The following ADAM22 variants were observed in gnomAD, a reference collection of about 807,000 sequenced individuals.
The protein encoded by ADAM22 is ADAM metallopeptidase domain 22.
ADAM22 carries 65 observed loss-of-function variants against 144.6 expected under a neutral mutation model. That is an observed-to-expected ratio of 0.45 (90% CI 0.37 to 0.55). The LOEUF is 0.55. ADAM22 is among the 20% of genes least tolerant of loss of function. The pLI, the probability that ADAM22 is intolerant of heterozygous loss-of-function variation, is 0.00. For missense variants in ADAM22, 974 were observed against 1,184.9 expected (o/e 0.82, Z 2.61); for synonymous variants, 391 against 412.6 (o/e 0.95, Z 0.63).
intron 2 of ADAM22, among the ~76,000 whole-genome samples, chr7:87,956,979 G>C (rs1846936102): frequency 6.6e-6 from 1 of 152,084 alleles, no homozygotes; most frequent in South Asian, 2.1e-4. Context: ...ATTTCATTCT[G>C]TTCTGTTCTA....
Position 88,199,006 on chromosome 7 carries a change from G to T in ADAM22, c.*2515G>T, listed in dbSNP as rs1202357302. 6.6e-6 allele frequency: 1 copy of T among 151,996 alleles called. No individual in the cohort carries two copies. Among genetic ancestry groups the T allele is most frequent in the Non-Finnish European group, 1.5e-5 (1 of 68,004 alleles). The allele number at this position is 151,996 out of a possible 1,614,324, so 9.4% of individuals were successfully genotyped here. ...TTAAACATTCTTAGAGCCATTTGTG[G>T]GATTCATTGACAAATTTATAGTCTC... On this transcript the variant is annotated 3_prime_UTR_variant, in exon 32 of 32. Coordinates refer to ENST00000413139, the MANE Select transcript of ADAM22 (RefSeq NM_001324418.2).
At chr7:88,074,832 T>C (rs2129480087) in intron 3 of ADAM22, among the ~76,000 whole-genome samples, 1 of 152,352 alleles carries the variant, frequency 6.6e-6, no homozygotes, top group Non-Finnish European at 1.5e-5. Flanking sequence ...TTTTAGATGA[T>C]TGGAACAGTT....
chr7:87,992,953 A>G (rs1015624358), intron 3 of ADAM22, among the ~76,000 whole-genome samples: 1 of 152,096 alleles, frequency 6.6e-6, no homozygotes, highest in Non-Finnish European at 1.5e-5. Context: ...GGTAAAGTAA[A>G]AGGTACCTCT....
intron 2 of ADAM22, among the ~76,000 whole-genome samples, chr7:87,944,874 C>G (rs1396133731): frequency 7.5e-6 from 1 of 132,926 alleles, no homozygotes; most frequent in African/African-American, 2.8e-5. Context: ...CACACATGAG[C>G]TTTAAGTATT....
chr7:87,951,102 T>TA (rs1418959484), intron 2 of ADAM22, among the ~76,000 whole-genome samples: 1 of 152,140 alleles, frequency 6.6e-6, no homozygotes, highest in East Asian at 1.9e-4. Flanking sequence ...CTGTTCACTC[T>TA]GATGGTAGTT....
At chr7:87,971,624 C>G (rs1001817264) in intron 2 of ADAM22, among the ~76,000 whole-genome samples, 1 of 152,188 alleles carries the variant, frequency 6.6e-6, no homozygotes, top group African/African-American at 2.4e-5. Context: ...AGGGGTATTA[C>G]TACTTTTTCA....
intron 3 of ADAM22, among the ~76,000 whole-genome samples, chr7:88,041,507 A>G (rs191097918): frequency 4.0e-4 from 61 of 152,090 alleles, no homozygotes; most frequent in African/African-American, 1.4e-3. Context: ...CTATATCTAT[A>G]CATTCATTTT....
At chr7:88,084,388 G>A (rs532844649) in intron 4 of ADAM22, among the ~76,000 whole-genome samples, 31 of 152,272 alleles carry the variant, frequency 2.0e-4, no homozygotes, top group Non-Finnish European at 3.4e-4. Flanking sequence ...CCAGACTGAA[G>A]GGCCAGTGGT....
intron 29 of ADAM22, among the ~76,000 whole-genome samples, chr7:88,185,038 G>A (rs1050732468): frequency 5.9e-5 from 9 of 152,140 alleles, no homozygotes; most frequent in African/African-American, 1.4e-4. Context: ...CTTTTTCTAC[G>A]GTTTTCCCCA....
chr7:87,997,120 T>A (rs547486114), intron 3 of ADAM22, among the ~76,000 whole-genome samples: 59 of 152,326 alleles, frequency 3.9e-4, no homozygotes, highest in African/African-American at 1.3e-3. Context: ...GGAGTTTGTT[T>A]GTTCGTTAAA....
At chr7:88,141,185 A>G (rs986910470) in intron 14 of ADAM22, among the ~76,000 whole-genome samples, 1 of 152,246 alleles carries the variant, frequency 6.6e-6, no homozygotes. Context: ...AGGTGACCAC[A>G]TTCCACACAA....
Position 88,181,562 on chromosome 7 carries a change from A to C in ADAM22, c.2553A>C (p.Ser851=). The change falls in exon 28 of 32, where the codon TCA becomes TCC. Residue 851 remains serine (S), a synonymous_variant. Coordinates refer to ENST00000413139, the MANE Select transcript of ADAM22 (RefSeq NM_001324418.2). ...GGATTCCAGACACAAAACATATTTC[A>C]GACATCTGTGAAAATGGGCGACCTC... ...SERIPDTKHI[S]DICENGRPRS... is the part of the protein sequence containing the mutation. 6.2e-7 allele frequency: 1 copy of C among 1,613,904 alleles called. No individual in the cohort carries two copies. The highest frequency in any genetic ancestry group is 8.5e-7 in the Non-Finnish European group (1 of 1,179,830).
intron 4 of ADAM22, among the ~76,000 whole-genome samples, chr7:88,104,465 T>C (rs1329695518): frequency 6.6e-6 from 1 of 151,926 alleles, no homozygotes; most frequent in Non-Finnish European, 1.5e-5. Flanking sequence ...ACCCTTTCAA[T>C]TCTTAGAATT....
chr7:87,993,821 G>T (rs982092605), intron 3 of ADAM22, among the ~76,000 whole-genome samples: 2 of 152,170 alleles, frequency 1.3e-5, no homozygotes, highest in Non-Finnish European at 2.9e-5. Context: ...TTTTAGGACA[G>T]GGCAGGATTT....
intron 5 of ADAM22, 82 bp from the exon 6 acceptor site, chr7:88,114,502 C>G: frequency 7.3e-7 from 1 of 1,368,122 alleles, no homozygotes; most frequent in Non-Finnish European, 1.0e-6. Context: ...AATGGGCCCT[C>G]TGGCTGCTGC....
At chr7:87,973,844 AACCAAAC>A in intron 2 of ADAM22, among the ~76,000 whole-genome samples, 1 of 152,246 alleles carries the variant, frequency 6.6e-6, no homozygotes, top group African/African-American at 2.4e-5. Flanking sequence ...GAGGACAAAA[AACCAAAC>A]ACCGCATATT....
At chr7:88,065,889 A>G (rs1275122604) in intron 3 of ADAM22, among the ~76,000 whole-genome samples, 1 of 152,102 alleles carries the variant, frequency 6.6e-6, no homozygotes, top group Admixed American at 6.6e-5. Context: ...CCTCCATGAA[A>G]ATTCTACAAA....
At chr7:87,983,969 A>T (rs1162894695) in intron 3 of ADAM22, among the ~76,000 whole-genome samples, 1 of 152,070 alleles carries the variant, frequency 6.6e-6, no homozygotes, top group African/African-American at 2.4e-5. Context: ...TGTTATTATG[A>T]TTTATTATAT....
At chr7:88,040,144 T>A (rs1802748115) in intron 3 of ADAM22, among the ~76,000 whole-genome samples, 1 of 151,932 alleles carries the variant, frequency 6.6e-6, no homozygotes, top group African/African-American at 2.4e-5. Context: ...TTTAATTTTA[T>A]TTTTTGAGAT....
Sources: allele counts gnomAD v4.1 joint callset (sites outside exome capture counted in the v4.1 genomes callset), GRCh38; gene constraint gnomAD v4.1.1; transcripts MANE v1.5; gene names NCBI Gene and HGNC (gene_info 2026-07-23, HGNC 2026-07-21).